PIK3R4: variants seen among roughly 807,000 people sequenced by gnomAD.
PIK3R4 encodes the protein phosphoinositide 3-kinase regulatory subunit 4.
A neutral mutation model predicts 136.5 loss-of-function variants in PIK3R4; 46 were observed. The observed-to-expected ratio is 0.34, with a 90% CI of 0.27 to 0.43. The LOEUF (loss-of-function observed/expected upper bound fraction) is 0.43. Ranked by LOEUF, PIK3R4 falls within the 20% of genes least tolerant of loss-of-function variation. The pLI, the probability that PIK3R4 is intolerant of heterozygous loss-of-function variation, is 1.00. For missense variants in PIK3R4, 1,331 were observed against 1,649.5 expected, an observed-to-expected ratio of 0.81 and a Z score of 3.35; for synonymous variants, 557 against 566.7, an observed-to-expected ratio of 0.98 and a Z score of 0.24.
At chr3:130,713,918 C>T (rs1341951613) in intron 9 of PIK3R4, among the ~76,000 whole-genome samples, 1 of 152,058 alleles carries the variant, frequency 6.6e-6, no homozygotes, top group Non-Finnish European at 1.5e-5. Context: ...GTGATCTGCC[C>T]GCCTCAGCCT....
intron 9 of PIK3R4, among the ~76,000 whole-genome samples, chr3:130,709,603 A>G (rs1445766330): frequency 6.6e-6 from 1 of 152,190 alleles, no homozygotes; most frequent in Non-Finnish European, 1.5e-5. Flanking sequence ...CGCTTTAAAT[A>G]GACAATAGCT....
At chr3:130,684,411 A>G in intron 15 of PIK3R4, 30 bp from the exon 16 acceptor site, 2 of 1,597,378 alleles carry the variant, frequency 1.3e-6, no homozygotes, top group South Asian at 2.2e-5. Flanking sequence ...AAAGATTACC[A>G]TCTAATGATC....
Position 130,708,510 on chromosome 3 carries a change from C to T in PIK3R4, c.2332-18G>A. ...GTCATTCCCTAAAACCAAATAAAAC[C>T]ATATGTTCTAGTTTATTTTCACAAA... On this transcript the variant is annotated intron_variant, in intron 9 of 19. Coordinates refer to ENST00000356763, the MANE Select transcript of PIK3R4 (RefSeq NM_014602.3). The T allele has an allele frequency of 6.3e-7, 1 of 1,592,458 alleles. No individual in the cohort carries two copies. Among genetic ancestry groups the T allele is most frequent in the Non-Finnish European group, 8.6e-7 (1 of 1,162,810 alleles).
In PIK3R4 at chr3:130,681,176, A is replaced by C; in HGVS notation, c.3709-111T>G. On this transcript the variant is annotated intron_variant, in intron 17 of 19. Transcript: ENST00000356763. ...TCAGTAGCTTTACAAGCACCTGGTT[A>C]ACTGAAGAAATGAGAGACCAGTTAT... is the stretch of plus-strand genomic sequence containing the variant. 3 of 732,776 alleles carry C rather than the reference A, an allele frequency of 4.1e-6. No individual in the cohort carries two copies. The Admixed American group carries it at 6.0e-5, about 15-fold the overall frequency. The allele number at this position is 732,776 out of a possible 1,614,324, so 45.4% of individuals were successfully genotyped here.
In PIK3R4 at chr3:130,744,474, CCACT is replaced by C. The variant is rs1263072293; in HGVS notation, c.733+8_733+11del. The C allele has an allele frequency of 6.3e-7, 1 of 1,588,708 alleles. No homozygotes were observed. Among genetic ancestry groups the C allele is most frequent in the Non-Finnish European group, 8.6e-7 (1 of 1,167,324 alleles). On this transcript the variant is annotated splice_region_variant and intron_variant, in intron 2 of 19. Transcript: ENST00000356763. ...CACATGCTCCCTTAGCAAATGTGAC[CCACT>C]CAAATACCTGCTGAAAAGATGTCCA...
At position 130,723,793 on chromosome 3, in the gene PIK3R4, A is replaced by G; in HGVS notation, c.1808-206T>C. The G allele has an allele frequency of 6.7e-6, 3 of 449,636 alleles. No individual in the cohort carries two copies. In the East Asian group the frequency reaches 1.1e-4, roughly 16 times the overall value. The allele number at this position is 449,636 out of a possible 1,614,324, so 27.9% of individuals were successfully genotyped here. A position where few individuals can be genotyped will look rare whatever the true frequency, so the allele number is the denominator to read the frequency against. ...AATTCTCGGACACCACAGAAAAGCT[A>G]AGATCCTAAGAACTTACAGAAATGA... On this transcript the variant is annotated intron_variant, in intron 6 of 19. Transcript: ENST00000356763.
intron 14 of PIK3R4, among the ~76,000 whole-genome samples, chr3:130,689,705 C>T (rs2066506528): frequency 2.0e-5 from 3 of 152,216 alleles, no homozygotes; most frequent in Admixed American, 6.5e-5. Context: ...CTGGCTAACT[C>T]ACACCTGGTC....
chr3:130,701,498 C>T (rs1350335872), intron 13 of PIK3R4, among the ~76,000 whole-genome samples: 37 of 145,300 alleles, frequency 2.5e-4, no homozygotes, highest in Admixed American at 5.6e-4. Context: ...GGCAACAGAG[C>T]GAGACTGTCT....
rs1286635304 is a variant in PIK3R4 at position 130,679,566 on chromosome 3, G to GAGAT, written c.3907-85_3907-82dup. The GAGAT allele has an allele frequency of 7.8e-5, 71 of 905,340 alleles. No homozygotes were observed. The African/African-American group carries it at 9.7e-4, about 12-fold the overall frequency. The allele number at this position is 905,340 out of a possible 1,614,324, so 56.1% of individuals were successfully genotyped here. A position where few individuals can be genotyped will look rare whatever the true frequency, so the allele number is the denominator to read the frequency against. ...TCCTCTCGTCAGTAGTCCTGCTTCT[G>GAGAT]AGATACTGTTGTTGTATTTAAGTTA... is the stretch of plus-strand genomic sequence containing the variant. On this transcript the variant is annotated intron_variant, in intron 19 of 19. Transcript: ENST00000356763.
At chr3:130,710,746 T>C (rs999147208) in intron 9 of PIK3R4, among the ~76,000 whole-genome samples, 1 of 152,106 alleles carries the variant, frequency 6.6e-6, no homozygotes. Flanking sequence ...TAAAAATTGT[T>C]CCATATACCA....
At chr3:130,691,867 GTTTTT>G (rs757678674) in intron 13 of PIK3R4, among the ~76,000 whole-genome samples, 2 of 100,818 alleles carry the variant, frequency 2.0e-5, no homozygotes, top group Non-Finnish European at 4.0e-5. Context: ...TCTCTCTCTA[GTTTTT>G]TTTTTTTTTT....
chr3:130,738,232 T>C (rs1250132749), intron 2 of PIK3R4, among the ~76,000 whole-genome samples: 1 of 152,162 alleles, frequency 6.6e-6, no homozygotes, highest in East Asian at 1.9e-4. Context: ...CTAATGTAAG[T>C]AAGTTTCTGA....
At chr3:130,680,816 G>T in intron 18 of PIK3R4, 95 bp from the exon 19 acceptor site, 1 of 856,986 alleles carries the variant, frequency 1.2e-6, no homozygotes, top group Non-Finnish European at 1.8e-6. Flanking sequence ...TTTTTCTTTT[G>T]CATTAGGAAA....
intron 15 of PIK3R4, among the ~76,000 whole-genome samples, chr3:130,684,600 C>G (rs149657309): frequency 2.4e-4 from 36 of 152,306 alleles, no homozygotes; most frequent in African/African-American, 8.2e-4. Flanking sequence ...TATCATAATG[C>G]TACTACTAAT....
rs1254443690 is a variant in PIK3R4, at chr3:130,727,997, CTTAA to C, written c.1807+462_1807+465del. Among the ~76,000 whole-genome samples, 3 of 149,318 alleles carry C rather than the reference CTTAA, an allele frequency of 2.0e-5. No homozygotes were observed. In the East Asian group the frequency reaches 5.9e-4, roughly 29 times the overall value. On this transcript the variant is annotated intron_variant, in intron 6 of 19. Coordinates refer to ENST00000356763, the MANE Select transcript of PIK3R4 (RefSeq NM_014602.3). Reference sequence around the variant, plus strand: ...ATTTTCAGTTACACAAAGCCTTTAACTTAATTCTTTCCAACTACATTGATTTTCA... The same window carrying C: ...ATTTTCAGTTACACAAAGCCTTTAACTTCTTTCCAACTACATTGATTTTCA...
chr3:130,679,592 A>T (rs2108512830), intron 19 of PIK3R4, 107 bp from the exon 20 acceptor site: 2 of 736,908 alleles, frequency 2.7e-6, no homozygotes, highest in Non-Finnish European at 4.5e-6. Context: ...ATTTAAGTTA[A>T]CACCTTTTGT....
Position 130,733,748 on chromosome 3 carries a change from C to A in PIK3R4, c.1250G>T (p.Arg417Leu). The A allele has an allele frequency of 6.2e-7, 1 of 1,614,102 alleles. No homozygotes were observed. The highest frequency in any genetic ancestry group is 1.1e-5 in the South Asian group (1 of 91,078). Residue 417 changes from arginine (R) to leucine (L), a missense_variant, in exon 4 of 20, where the codon CGT (arginine) becomes CTT (leucine). By Grantham distance (102) the Arg-to-Leu change is moderately radical. Transcript: ENST00000356763. ...PRLSVEILLD[R>L]ITPYLLHFSN... is the part of the protein sequence containing the mutation. ...GAAATGCAAAAGATATGGAGTAATA[C>A]GATCCAAAAGGATTTCAACACTTAA...
At chr3:130,695,199 A>G (rs1327726724) in intron 13 of PIK3R4, among the ~76,000 whole-genome samples, 1 of 152,120 alleles carries the variant, frequency 6.6e-6, no homozygotes, top group African/African-American at 2.4e-5. Context: ...TTTTACACCT[A>G]TATTAATTAT....
chr3:130,710,275 G>A (rs938364151), intron 9 of PIK3R4, among the ~76,000 whole-genome samples: 1 of 151,752 alleles, frequency 6.6e-6, no homozygotes, highest in African/African-American at 2.4e-5. Context: ...AATATCCAGG[G>A]AATAAAGCAA....
Sources: allele counts gnomAD v4.1 joint callset (sites outside exome capture counted in the v4.1 genomes callset), GRCh38; gene constraint gnomAD v4.1.1; transcripts MANE v1.5; gene names NCBI Gene and HGNC (gene_info 2026-07-23, HGNC 2026-07-21).